MAML3: variants seen among roughly 807,000 people sequenced by gnomAD.
MAML3 encodes mastermind like transcriptional coactivator 3, also known as mastermind-like protein 3.
A neutral mutation model predicts 101.9 loss-of-function variants in MAML3; 27 were observed. The ratio of observed to expected loss-of-function variants is 0.27; its 90% CI spans 0.20 to 0.37. The LOEUF (loss-of-function observed/expected upper bound fraction) is 0.37, where lower values mean the gene tolerates loss of function less well. Among genes scored for constraint, MAML3 ranks in the 10% least tolerant of loss-of-function variants. MAML3 has a pLI of 1.00. For missense variants in MAML3, 1,316 were observed against 1,444.9 expected, an observed-to-expected ratio of 0.91 and a Z score of 1.45; for synonymous variants, 501 against 555.9, an observed-to-expected ratio of 0.90 and a Z score of 1.39.
chr4:140,013,411 A>G (rs1459638255), intron 1 of MAML3, among the ~76,000 whole-genome samples: 1 of 152,128 alleles, frequency 6.6e-6, no homozygotes, highest in African/African-American at 2.4e-5. Flanking sequence ...ACATTTTTCC[A>G]TAACATCCTC....
intron 1 of MAML3, among the ~76,000 whole-genome samples, chr4:139,938,303 C>T (rs975746109): frequency 3.9e-5 from 6 of 152,142 alleles, no homozygotes; most frequent in Admixed American, 6.5e-5. Flanking sequence ...GTCGGGGAGA[C>T]CCTACCGACC....
chr4:140,068,928 C>T (rs1223939728), intron 1 of MAML3, among the ~76,000 whole-genome samples: 1 of 152,166 alleles, frequency 6.6e-6, no homozygotes, highest in East Asian at 1.9e-4. Flanking sequence ...TCTCTACCTC[C>T]CTATTGCAAC....
intron 2 of MAML3, among the ~76,000 whole-genome samples, chr4:139,802,312 G>A (rs1029662276): frequency 1.3e-5 from 2 of 152,116 alleles, no homozygotes; most frequent in Non-Finnish European, 2.9e-5. Flanking sequence ...GCAGTGTCTG[G>A]CTGCAGCAGG....
chr4:139,730,204 C>A (rs1728643774), intron 3 of MAML3: 1 of 594,298 alleles, frequency 1.7e-6, no homozygotes, highest in Non-Finnish European at 3.0e-6. Context: ...ATGGCTGGAG[C>A]CTGTCTTTTA....
intron 1 of MAML3, among the ~76,000 whole-genome samples, chr4:139,991,151 ATAC>A (rs1383954064): frequency 6.6e-6 from 1 of 152,192 alleles, no homozygotes; most frequent in East Asian, 1.9e-4. Flanking sequence ...ACTTCAAACT[ATAC>A]TACAAGGCTA....
At chr4:139,966,619 C>T (rs772192801) in intron 1 of MAML3, among the ~76,000 whole-genome samples, 8 of 152,066 alleles carry the variant, frequency 5.3e-5, no homozygotes, top group East Asian at 3.9e-4. Flanking sequence ...TGTTTCTGAC[C>T]GATGCCTGAT....
At chr4:139,767,306 G>T (rs1729881153) in intron 2 of MAML3, among the ~76,000 whole-genome samples, 1 of 152,204 alleles carries the variant, frequency 6.6e-6, no homozygotes, top group Non-Finnish European at 1.5e-5. Flanking sequence ...ACCTCAAATT[G>T]TGAGGGCCAC....
chr4:139,993,594 G>A lies in MAML3; in HGVS notation c.469-102627C>T, dbSNP rs764461981. On this transcript the variant is annotated intron_variant, in intron 1 of 4. Coordinates refer to ENST00000509479, the MANE Select transcript of MAML3 (RefSeq NM_018717.5). Reference sequence around the variant, plus strand: ...TAATCCCTGCACTTTGGGAGGCCGAGGAGGGTGGATTGCCTGAGGTTGGGA... The same window carrying A: ...TAATCCCTGCACTTTGGGAGGCCGAAGAGGGTGGATTGCCTGAGGTTGGGA... 3.6e-4 allele frequency among the ~76,000 whole-genome samples: 54 copies of A among 152,102 alleles called. No individual in the cohort carries two copies. The Middle Eastern group carries it at 0.014, about 38-fold the overall frequency.
chr4:139,852,515 C>A (rs199822202), intron 2 of MAML3, among the ~76,000 whole-genome samples: 2 of 146,754 alleles, frequency 1.4e-5, no homozygotes, highest in East Asian at 4.1e-4. Context: ...CGGGTTCAAG[C>A]GATTCTTCTG....
rs1483422626 is a variant in MAML3 at position 139,891,564 on chromosome 4, C to T, written c.469-597G>A. On this transcript the variant is annotated intron_variant, in intron 1 of 4. Transcript: ENST00000509479. ...AAGTGCTGGGATTACAAGTGTGAGC[C>T]ACCATGAATGCTAGACATGAGACTT... 2.6e-5 allele frequency among the ~76,000 whole-genome samples: 4 copies of T among 152,282 alleles called. No homozygotes were observed. The East Asian group carries it at 7.7e-4, about 29-fold the overall frequency.
intron 2 of MAML3, among the ~76,000 whole-genome samples, chr4:139,761,270 G>T (rs1729752990): frequency 6.6e-6 from 1 of 152,170 alleles, no homozygotes; most frequent in Non-Finnish European, 1.5e-5. Context: ...CTAGAGGACA[G>T]CTTTCTAAAA....
chr4:140,074,199 GAGAAAGAAAGAA>G (rs57126361), intron 1 of MAML3, among the ~76,000 whole-genome samples: 1,064 of 81,972 alleles, frequency 0.013, 20 homozygotes, highest in South Asian at 0.034. Flanking sequence ...GAGAAAGAAA[GAGAAAGAAAGAA>G]AGAAAGAAAG....
intron 1 of MAML3, among the ~76,000 whole-genome samples, chr4:140,051,573 T>A (rs1727270600): frequency 6.7e-6 from 1 of 149,714 alleles, no homozygotes; most frequent in South Asian, 2.1e-4. Flanking sequence ...AAAAAAAAAA[T>A]TAAATTAATG....
At chr4:139,753,864 A>C (rs1341422472) in intron 2 of MAML3, among the ~76,000 whole-genome samples, 1 of 152,172 alleles carries the variant, frequency 6.6e-6, no homozygotes, top group Admixed American at 6.5e-5. Flanking sequence ...GAACTCCTAC[A>C]TCAGAAGGGA....
At chr4:139,776,851 C>A (rs753682994) in intron 2 of MAML3, among the ~76,000 whole-genome samples, 45 of 152,150 alleles carry the variant, frequency 3.0e-4, no homozygotes, top group Non-Finnish European at 7.3e-5. Flanking sequence ...ACTTCTGTGT[C>A]CTACTTTGGC....
At chr4:140,114,545 TTCTC>T (rs1452017555) in intron 1 of MAML3, among the ~76,000 whole-genome samples, 3 of 152,244 alleles carry the variant, frequency 2.0e-5, no homozygotes, top group Non-Finnish European at 2.9e-5. Flanking sequence ...AGGCAACTCT[TTCTC>T]TTGAAACCCT....
chr4:139,925,189 G>A (rs994148651), intron 1 of MAML3, among the ~76,000 whole-genome samples: 2 of 151,978 alleles, frequency 1.3e-5, no homozygotes, highest in African/African-American at 2.4e-5. Flanking sequence ...ATGTGCAAGG[G>A]GTGGGAGAGA....
At chr4:139,884,178 C>G (rs1732279735) in intron 2 of MAML3, among the ~76,000 whole-genome samples, 1 of 152,128 alleles carries the variant, frequency 6.6e-6, no homozygotes, top group African/African-American at 2.4e-5. Context: ...GCCACGGCGC[C>G]TGGCTGCTTA....
intron 1 of MAML3, among the ~76,000 whole-genome samples, chr4:140,036,945 T>A (rs1393398733): frequency 4.6e-5 from 7 of 152,144 alleles, no homozygotes. Flanking sequence ...TGCTCTTCAG[T>A]CCCACTTTCC....
Sources: gnomAD v4.1 joint callset for allele counts (sites outside exome capture counted in the v4.1 genomes callset) on GRCh38, gnomAD v4.1.1 for gene constraint, MANE v1.5 for transcripts, NCBI Gene and HGNC (gene_info 2026-07-23, HGNC 2026-07-21) for gene names.